Variants in ECE1 observed in about 807,000 individuals in gnomAD.
The protein encoded by ECE1 is endothelin converting enzyme 1.
A neutral mutation model predicts 98.6 loss-of-function variants in ECE1; 35 were observed. That is an observed-to-expected ratio of 0.35 (90% CI 0.27 to 0.47). ECE1 has a LOEUF of 0.47. ECE1 is among the 20% of genes least tolerant of loss of function. The probability of loss-of-function intolerance (pLI) is 1.00; values close to 1 mark genes in which losing one functional copy is unlikely to be tolerated. For missense variants in ECE1, 814 were observed against 1,025.3 expected (o/e 0.79, Z 2.81); for synonymous variants, 394 against 407.1 (o/e 0.97, Z 0.39).
In ECE1 at chr1:21,225,379, G is replaced by C. The variant is rs1029538658; in HGVS notation, c.1911C>G (p.Ala637=). ...RPWWKNSSVE[A]FKRQTECMVE... ...CCATGCACTCGGTCTGACGCTTGAA[G>C]GCCTCCACGGATGAGTTCTTCCACC... Residue 637 remains alanine (A), a synonymous_variant, in exon 17 of 19, where the codon GCC becomes GCG. Coordinates refer to ENST00000374893, the MANE Select transcript of ECE1 (RefSeq NM_001397.3). This position sits in a 1 kb window ranked among gnomAD's most constrained non-coding sequence, Gnocchi z 5.3. 5 of 1,614,096 alleles carry C rather than the reference G, an allele frequency of 3.1e-6. No homozygotes were observed. The highest frequency in any genetic ancestry group is 3.3e-5 in the Admixed American group (2 of 59,996).
At chr1:21,330,857 A>AG (rs373492333) in intron 1 of ECE1, among the ~76,000 whole-genome samples, 104 of 152,262 alleles carry the variant, frequency 6.8e-4, no homozygotes, top group African/African-American at 2.4e-3. Context: ...GGAAGACCTA[A>AG]GATTAATTTC....
chr1:21,255,863 A>C, intron 8 of ECE1, 84 bp downstream of exon 8: 1 of 1,401,192 alleles, frequency 7.1e-7, no homozygotes, highest in Non-Finnish European at 1.0e-6. Flanking sequence ...ACTAGATGAA[A>C]TGAGTATAAA....
chr1:21,313,992 G>A lies in ECE1; in HGVS notation c.4-23836C>T, dbSNP rs1469853425. Among the ~76,000 whole-genome samples the A allele has an allele frequency of 2.0e-5, 3 of 152,174 alleles. No individual in the cohort carries two copies. The East Asian group carries it at 5.8e-4, about 29-fold the overall frequency. The stretch of plus-strand genomic sequence containing the variant: ...TAGGGGCAATGATGACAGTGCTGAG[G>A]CTGCAGCTGCTAAACGGTAACACCA... On this transcript the variant is annotated intron_variant, in intron 1 of 18. Coordinates refer to the ECE1 transcript ENST00000415912.
intron 14 of ECE1, among the ~76,000 whole-genome samples, chr1:21,232,156 G>A (rs2098182555): frequency 1.3e-5 from 2 of 152,150 alleles, no homozygotes; most frequent in Non-Finnish European, 2.9e-5. Flanking sequence ...CCACCAGGGG[G>A]CACCAGAGGC....
chr1:21,321,042 A>G (rs1005627404), intron 1 of ECE1, among the ~76,000 whole-genome samples: 12 of 152,080 alleles, frequency 7.9e-5, no homozygotes, highest in Non-Finnish European at 1.3e-4. Context: ...TTTCCCACAT[A>G]ATCTTCATGA....
At chr1:21,302,211 C>T (rs570523091) in intron 1 of ECE1, among the ~76,000 whole-genome samples, 77 of 152,360 alleles carry the variant, frequency 5.1e-4, no homozygotes, top group African/African-American at 1.3e-3. Flanking sequence ...TCCAGCCCCA[C>T]GCCACCTGTT....
chr1:21,306,545 C>T (rs967834756), intron 1 of ECE1, among the ~76,000 whole-genome samples: 1 of 152,120 alleles, frequency 6.6e-6, no homozygotes, highest in African/African-American at 2.4e-5. Context: ...CCATGTTGGC[C>T]AGGCTGTCTC....
chr1:21,221,596 C>G, intron 18 of ECE1, 151 bp downstream of exon 18: 1 of 842,096 alleles, frequency 1.2e-6, no homozygotes, highest in South Asian at 1.4e-5. Flanking sequence ...TTCCGTGCAT[C>G]TCTCTAATGA....
rs1202046001 is a variant in ECE1 at position 21,337,191 on chromosome 1, C to T, written c.3+8185G>A. ...CAGCAGCCTCAAGCTGGAATCAACC[C>T]AAATGTCAGCCACGGACATTTACAC... On this transcript the variant is annotated intron_variant, in intron 1 of 18. Transcript: ENST00000415912. 2.0e-5 allele frequency among the ~76,000 whole-genome samples: 3 copies of T among 152,338 alleles called. No homozygotes were observed. In the East Asian group the frequency reaches 5.8e-4, roughly 29 times the overall value.
rs764433117 is a variant in ECE1, at chr1:21,236,828, A to G, written c.1406T>C (p.Leu469Pro). ...TTCCTCAAATGCCTTCTTAATCTCC[A>G]GGATGATCTCGGTGGCCTGAGGAGA... ...DSKSIATEII[L>P]EIKKAFEESL... is the part of the protein sequence containing the mutation. Residue 469 changes from leucine to proline, a missense_variant, in exon 12 of 19, where the codon CTG becomes CCG. Leu to Pro is a moderately conservative substitution (Grantham distance 98). This residue lies in a region of ECE1 where 452 missense variants were observed against 567.3 expected (regional missense o/e 0.80). Transcript: ENST00000374893. 1.9e-6 allele frequency: 3 copies of G among 1,613,434 alleles called. No individual in the cohort carries two copies. Among genetic ancestry groups the G allele is most frequent in the Non-Finnish European group, 2.5e-6 (3 of 1,179,908 alleles).
At chr1:21,273,642 G>T (rs2098243141) in intron 3 of ECE1, among the ~76,000 whole-genome samples, 1 of 152,170 alleles carries the variant, frequency 6.6e-6, no homozygotes. Flanking sequence ...AAGCAGGAGA[G>T]TGAGTGACCT....
Position 21,345,362 on chromosome 1 carries a change from C to T in ECE1, c.3+14G>A. On this transcript the variant is annotated intron_variant, in intron 1 of 18. Transcript: ENST00000415912. The surrounding 1 kb of genome is among the most constrained non-coding windows in gnomAD (Gnocchi z 5.1). ...TGGGCTGGACCGGACCAGACCTCCGCGCGCAGCACTCACCATAGCTCGCGT... is the reference window on the plus strand; with the variant it reads ...TGGGCTGGACCGGACCAGACCTCCGTGCGCAGCACTCACCATAGCTCGCGT... The T allele has an allele frequency of 7.4e-7, 1 of 1,356,948 alleles. No homozygotes were observed. 84.1% of individuals were successfully genotyped at this position (1,356,948 alleles called of 1,614,324 possible). A position where few individuals can be genotyped will look rare whatever the true frequency, so the allele number is the denominator to read the frequency against.
Position 21,227,966 on chromosome 1 carries a change from G to C in ECE1, c.1746C>G (p.Ile582Met). 1 of 1,558,406 alleles carries C rather than the reference G, an allele frequency of 6.4e-7. No individual in the cohort carries two copies. The highest frequency in any genetic ancestry group is 8.7e-7 in the Non-Finnish European group (1 of 1,149,966). ...TKNEIVFPAG[I>M]LQAPFYTRSS... Reference sequence around the variant, plus strand: ...AGCGTGTGTAGAATGGTGCCTGCAGGATCCCGGCCGGAAACACAATCTCAT... The same window carrying C: ...AGCGTGTGTAGAATGGTGCCTGCAGCATCCCGGCCGGAAACACAATCTCAT... Residue 582 changes from isoleucine to methionine, a missense_variant, in exon 15 of 19, where the codon ATC (isoleucine) becomes ATG (methionine). By Grantham distance (10) the Ile-to-Met change is conservative (BLOSUM62 1). Around this residue, in one of 3 missense-constraint regions of ECE1, gnomAD observed 452 missense variants for 567.3 expected, o/e 0.80. Transcript: ENST00000374893.
At chr1:21,239,146 C>A (rs1047916538) in intron 10 of ECE1, among the ~76,000 whole-genome samples, 1 of 152,074 alleles carries the variant, frequency 6.6e-6, no homozygotes, top group African/African-American at 2.4e-5. Context: ...CGCGGGATTG[C>A]AATGCCTTGA....
At chr1:21,291,546 G>C (rs1312964015), upstream of ECE1, among the ~76,000 whole-genome samples, 1 of 152,142 alleles carries the variant, frequency 6.6e-6, no homozygotes, top group Non-Finnish European at 1.5e-5. Flanking sequence ...CTGAGGCCAG[G>C]CACCATGGCT....
chr1:21,311,067 G>A (rs943942741), intron 1 of ECE1, among the ~76,000 whole-genome samples: 12 of 152,216 alleles, frequency 7.9e-5, no homozygotes, highest in Non-Finnish European at 1.5e-4. Context: ...TTCTGCCATC[G>A]TGGGCAATCA....
upstream of ECE1, among the ~76,000 whole-genome samples, chr1:21,291,492 C>G (rs2098266556): frequency 6.6e-6 from 1 of 152,198 alleles, no homozygotes; most frequent in Non-Finnish European, 1.5e-5. Flanking sequence ...TGCCCTCTGA[C>G]AGCCCCCTCA....
In ECE1 at chr1:21,260,740, C is replaced by A. The variant is rs1289136277; in HGVS notation, c.494-348G>T. Among the ~76,000 whole-genome samples, 2 of 152,238 alleles carry A rather than the reference C, an allele frequency of 1.3e-5. No individual in the cohort carries two copies. Among genetic ancestry groups the A allele is most frequent in the Non-Finnish European group, 1.5e-5 (1 of 68,046 alleles). ...CTGTGGATAACGTGTGGTACGAACA[C>A]CCCTGCCTGGTGCATGGGACAGAGG... On this transcript the variant is annotated intron_variant, in intron 4 of 18. Coordinates refer to ENST00000374893, the MANE Select transcript of ECE1 (RefSeq NM_001397.3). This position sits in a 1 kb window ranked among gnomAD's most constrained non-coding sequence, Gnocchi z 4.3.
chr1:21,282,289 C>CA (rs1038742722), intron 2 of ECE1, among the ~76,000 whole-genome samples: 5 of 149,202 alleles, frequency 3.4e-5, no homozygotes, highest in African/African-American at 1.2e-4. Context: ...GACCCTATCT[C>CA]AAAAAAGTAA....
Sources: allele counts gnomAD v4.1 joint callset (sites outside exome capture counted in the v4.1 genomes callset), GRCh38; gene constraint gnomAD v4.1.1; regional missense constraint gnomAD v4.1.1; non-coding constraint Gnocchi (gnomAD v3.1); transcripts MANE v1.5; gene names NCBI Gene and HGNC (gene_info 2026-07-23, HGNC 2026-07-21).